The following GINS1 variants were observed in gnomAD, a reference collection of about 807,000 sequenced individuals.
The protein encoded by GINS1 is GINS complex subunit 1.
Under a neutral mutation model 34.9 loss-of-function variants are expected in GINS1, and 26 were observed. The ratio of observed to expected loss-of-function variants is 0.74; its 90% CI spans 0.55 to 1.03. The LOEUF is 1.03. Among genes scored for constraint, GINS1 ranks in the 50% least tolerant of loss-of-function variants. GINS1 has a pLI of 0.00. For missense variants in GINS1, 235 were observed against 237.9 expected, an observed-to-expected ratio of 0.99 and a Z score of 0.08; for synonymous variants, 97 against 84.4, an observed-to-expected ratio of 1.15 and a Z score of -0.82.
At chr20:25,419,061 A>G (rs2090338631) in intron 4 of GINS1, among the ~76,000 whole-genome samples, 1 of 152,246 alleles carries the variant, frequency 6.6e-6, no homozygotes, top group Non-Finnish European at 1.5e-5. Context: ...TACTTGAGAA[A>G]GTACAAGAAT....
chr20:25,409,458 A>T (rs1432200520), intron 1 of GINS1, among the ~76,000 whole-genome samples: 1 of 152,190 alleles, frequency 6.6e-6, no homozygotes, highest in African/African-American at 2.4e-5. Context: ...CTATTAGAGC[A>T]GGGGCAGAGA....
intron 5 of GINS1, among the ~76,000 whole-genome samples, chr20:25,426,187 A>G (rs1205415480): frequency 2.6e-5 from 4 of 152,062 alleles, no homozygotes; most frequent in Non-Finnish European, 5.9e-5. Flanking sequence ...ATGACAAGTT[A>G]TTTGTCTTTT....
chr20:25,409,059 A>T, intron 1 of GINS1: 2 of 983,052 alleles, frequency 2.0e-6, no homozygotes, highest in Non-Finnish European at 2.4e-6. Context: ...GGATGAGGTT[A>T]CTGATCTGAG....
chr20:25,441,933 T>C (rs1017300979), intron 6 of GINS1, among the ~76,000 whole-genome samples, 157 bp downstream of exon 6: 1 of 152,202 alleles, frequency 6.6e-6, no homozygotes, highest in African/African-American at 2.4e-5. Flanking sequence ...TTTCTGAATA[T>C]TAAGACTGGA....
rs200596482 is a variant in GINS1, at chr20:25,425,334, A to G, written c.447+7A>G. On this transcript the variant is annotated splice_region_variant and intron_variant, in intron 5 of 6. Coordinates refer to ENST00000262460, the MANE Select transcript of GINS1 (RefSeq NM_021067.5). ...AAAAAGCCTATATATTGAAGTATGT[A>G]TATCTTTTTAAAATGCATTTTTCTT... 4.2e-5 allele frequency: 47 copies of G among 1,129,852 alleles called. No homozygotes were observed. The African/African-American group carries it at 5.1e-4, about 12-fold the overall frequency. The allele number at this position is 1,129,852 out of a possible 1,614,324, so 70.0% of individuals were successfully genotyped here.
chr20:25,428,404 T>TC (rs1465606744), intron 5 of GINS1, among the ~76,000 whole-genome samples: 3 of 129,056 alleles, frequency 2.3e-5, no homozygotes, highest in African/African-American at 5.9e-5. Context: ...TTTCTTTTTT[T>TC]TTTTTTTTTT....
intron 2 of GINS1, 44 bp from the exon 3 acceptor site, chr20:25,417,060 C>A: frequency 2.3e-6 from 2 of 884,052 alleles, no homozygotes; most frequent in Non-Finnish European, 3.7e-6. Flanking sequence ...TTTTACTTAT[C>A]CTGAAAAGTA....
chr20:25,445,799 C>T, intron 6 of GINS1, 124 bp from the exon 7 acceptor site: 1 of 649,258 alleles, frequency 1.5e-6, no homozygotes, highest in Non-Finnish European at 2.7e-6. Context: ...GTTTAACTTT[C>T]AACTACTTAC....
chr20:25,412,524 C>CATGG (rs2090292680), intron 1 of GINS1, among the ~76,000 whole-genome samples: 1 of 152,102 alleles, frequency 6.6e-6, no homozygotes, highest in Admixed American at 6.6e-5. Flanking sequence ...CATTGCACTC[C>CATGG]AGCCCAGGCG....
At chr20:25,423,351 A>T (rs2090368327) in intron 4 of GINS1, among the ~76,000 whole-genome samples, 3 of 148,266 alleles carry the variant, frequency 2.0e-5, no homozygotes, top group Admixed American at 1.3e-4. Flanking sequence ...TGGCCTCAAG[A>T]GATATGCCCA....
At chr20:25,435,655 G>A (rs1439914245) in intron 5 of GINS1, among the ~76,000 whole-genome samples, 1 of 151,414 alleles carries the variant, frequency 6.6e-6, no homozygotes, top group Non-Finnish European at 1.5e-5. Context: ...CTACTCGGAA[G>A]GCTGAGGGAG....
chr20:25,412,504 G>A (rs533725910), intron 1 of GINS1, among the ~76,000 whole-genome samples: 3 of 151,928 alleles, frequency 2.0e-5, no homozygotes, highest in South Asian at 4.2e-4. Context: ...GCAGTGAGCC[G>A]AGATTGCACC....
intron 5 of GINS1, among the ~76,000 whole-genome samples, chr20:25,439,994 C>CAA (rs34429395): frequency 5.6e-5 from 7 of 124,616 alleles, no homozygotes; most frequent in African/African-American, 1.5e-4. Context: ...GACTCTGTCT[C>CAA]AAAAAAAAAA....
intron 2 of GINS1, among the ~76,000 whole-genome samples, chr20:25,414,186 C>T (rs2090305660): frequency 1.2e-5 from 1 of 86,766 alleles, no homozygotes; most frequent in African/African-American, 8.4e-5. Flanking sequence ...AAGACTCTGT[C>T]TCCAAAAAAA....
At position 25,425,401 on chromosome 20, in the gene GINS1, A is replaced by G. The variant is rs762058370; in HGVS notation, c.447+74A>G. 6.9e-5 allele frequency: 48 copies of G among 700,344 alleles called. No individual in the cohort carries two copies. The highest frequency in any genetic ancestry group is 1.2e-4 in the Non-Finnish European group (46 of 389,860). The allele number at this position is 700,344 out of a possible 1,614,324, so 43.4% of individuals were successfully genotyped here. A position where few individuals can be genotyped will look rare whatever the true frequency, so the allele number is the denominator to read the frequency against. On this transcript the variant is annotated intron_variant, in intron 5 of 6. Transcript: ENST00000262460. Reference sequence around the variant, plus strand: ...CTACCTTTTAAGAAGAGAGGAGTATATGAATATGTGTTAGCTTCTATTAAA... The same window carrying G: ...CTACCTTTTAAGAAGAGAGGAGTATGTGAATATGTGTTAGCTTCTATTAAA...
At chr20:25,423,204 C>G (rs945862206) in intron 4 of GINS1, among the ~76,000 whole-genome samples, 1 of 151,148 alleles carries the variant, frequency 6.6e-6, no homozygotes, top group East Asian at 2.0e-4. Context: ...ACCTCCGCCT[C>G]CCTGGTTCAA....
At chr20:25,418,609 C>T (rs555978140) in intron 4 of GINS1, among the ~76,000 whole-genome samples, 1 of 152,312 alleles carries the variant, frequency 6.6e-6, no homozygotes, top group African/African-American at 2.4e-5. Context: ...AGGTTCAAAT[C>T]TCTGCTGTCT....
chr20:25,435,810 C>CTTT (rs199615377), intron 5 of GINS1, among the ~76,000 whole-genome samples: 4 of 108,504 alleles, frequency 3.7e-5, no homozygotes, highest in Non-Finnish European at 5.3e-5. Context: ...TAGAGTTACA[C>CTTT]TTTTTTTTTT....
At chr20:25,420,617 T>C (rs1039649797) in intron 4 of GINS1, among the ~76,000 whole-genome samples, 13 of 151,850 alleles carry the variant, frequency 8.6e-5, no homozygotes, top group African/African-American at 2.9e-4. Context: ...CTGTTTCTAC[T>C]AAAAATACAA....
Sources: gnomAD v4.1 joint callset for allele counts (sites outside exome capture counted in the v4.1 genomes callset) on GRCh38, gnomAD v4.1.1 for gene constraint, MANE v1.5 for transcripts, NCBI Gene and HGNC (gene_info 2026-07-23, HGNC 2026-07-21) for gene names.